The following BEST3 variants were observed in gnomAD, a reference collection of about 807,000 sequenced individuals.
BEST3 encodes bestrophin-3.
In BEST3, 50 loss-of-function variants were observed where a neutral mutation model predicts 47.1. That is an observed-to-expected ratio of 1.06 (90% CI 0.85 to 1.34). The LOEUF is 1.34. BEST3 is among the 40% of genes most tolerant of loss of function. BEST3 has a pLI of 0.00. For synonymous variants in BEST3, 282 were observed against 298.8 expected (o/e 0.94, Z 0.58); for missense variants, 765 against 817.0 (o/e 0.94, Z 0.78).
At chr12:69,671,827 C>G (rs1717141432) in intron 8 of BEST3, among the ~76,000 whole-genome samples, 1 of 152,124 alleles carries the variant, frequency 6.6e-6, no homozygotes, top group Non-Finnish European at 1.5e-5. Flanking sequence ...CGGGATCAAA[C>G]CACACACTCT....
At chr12:69,685,471 G>A (rs1345610914) in intron 4 of BEST3, among the ~76,000 whole-genome samples, 1 of 152,170 alleles carries the variant, frequency 6.6e-6, no homozygotes, top group African/African-American at 2.4e-5. Flanking sequence ...CATTACAATG[G>A]TCTGGGGAGT....
chr12:69,675,731 A>G (rs1884874995), intron 7 of BEST3, among the ~76,000 whole-genome samples: 1 of 152,214 alleles, frequency 6.6e-6, no homozygotes. Flanking sequence ...ATCTGATTAA[A>G]AATTCTTTTG....
chr12:69,694,514 C>T, intron 2 of BEST3, 50 bp from the exon 3 acceptor site: 1 of 955,514 alleles, frequency 1.0e-6, no homozygotes. Flanking sequence ...TACTTCTGCA[C>T]CTGCTTTGCA....
At chr12:69,666,649 G>T (rs1332707169) in intron 9 of BEST3, among the ~76,000 whole-genome samples, 1 of 152,054 alleles carries the variant, frequency 6.6e-6, no homozygotes, top group Non-Finnish European at 1.5e-5. Context: ...CCTTGATACT[G>T]TTCTGATTGC....
intron 4 of BEST3, among the ~76,000 whole-genome samples, chr12:69,685,618 C>T (rs977907798): frequency 2.0e-5 from 3 of 152,162 alleles, no homozygotes; most frequent in Non-Finnish European, 2.9e-5. Flanking sequence ...GAACAACTGC[C>T]CTAGTGCTGA....
chr12:69,678,969 T>C, intron 4 of BEST3, 76 bp from the exon 5 acceptor site: 2 of 1,161,244 alleles, frequency 1.7e-6, no homozygotes, highest in Non-Finnish European at 2.4e-6. Flanking sequence ...TCAGCATCTA[T>C]ATAAAAGCAT....
chr12:69,664,428 T>A (rs1884059423), intron 9 of BEST3, among the ~76,000 whole-genome samples: 1 of 152,032 alleles, frequency 6.6e-6, no homozygotes, highest in Non-Finnish European at 1.5e-5. Flanking sequence ...CACTGGGACC[T>A]CCCCCCGCCA....
chr12:69,680,515 A>G (rs1885196271), intron 4 of BEST3, among the ~76,000 whole-genome samples: 1 of 151,500 alleles, frequency 6.6e-6, no homozygotes, highest in African/African-American at 2.4e-5. Context: ...TCACCATGTT[A>G]GCCAGGATGT....
At chr12:69,684,388 C>T in intron 4 of BEST3, 1 of 435,884 alleles carries the variant, frequency 2.3e-6, no homozygotes. Flanking sequence ...AATTTTATTG[C>T]CCTCGAGCCA....
intron 9 of BEST3, among the ~76,000 whole-genome samples, chr12:69,645,767 C>T (rs17106842): frequency 0.12 from 18,328 of 150,478 alleles, 1,245 homozygotes; most frequent in East Asian, 0.24. Context: ...ATATATAAAA[C>T]ACCAGGCACA....
At chr12:69,667,141 T>G (rs1884272586) in intron 9 of BEST3, among the ~76,000 whole-genome samples, 1 of 152,212 alleles carries the variant, frequency 6.6e-6, no homozygotes, top group South Asian at 2.1e-4. Context: ...CTCTCCAGAT[T>G]CATTTCTTGG....
intron 9 of BEST3, chr12:69,661,115 G>GT (rs1883847153): frequency 6.6e-6 from 1 of 152,184 alleles, no homozygotes; most frequent in African/African-American, 2.4e-5. Flanking sequence ...TTGTTGGGGT[G>GT]TGTCTAATAT....
intron 4 of BEST3, among the ~76,000 whole-genome samples, chr12:69,692,344 G>A (rs749829828): frequency 5.9e-5 from 9 of 152,192 alleles, no homozygotes; most frequent in Non-Finnish European, 1.2e-4. Flanking sequence ...ATCCATATGT[G>A]CCAAGAATTA....
At chr12:69,684,311 T>C (rs1222217586) in intron 4 of BEST3, 3 of 400,730 alleles carry the variant, frequency 7.5e-6, no homozygotes. Flanking sequence ...TCAATATAGA[T>C]ACATGTTTGC....
downstream of BEST3, among the ~76,000 whole-genome samples, chr12:69,652,703 G>A (rs1413016006): frequency 6.6e-6 from 1 of 152,134 alleles, no homozygotes; most frequent in African/African-American, 2.4e-5. Flanking sequence ...TTATCACCTT[G>A]GATTTAGGAA....
At chr12:69,690,083 T>C (rs1319170678) in intron 4 of BEST3, among the ~76,000 whole-genome samples, 1 of 152,216 alleles carries the variant, frequency 6.6e-6, no homozygotes, top group African/African-American at 2.4e-5. Context: ...TATTAGGTTC[T>C]ATAATAATTC....
chr12:69,678,771 T>C lies in BEST3; in HGVS notation c.604A>G (p.Arg202Gly). 6.2e-7 allele frequency: 1 copy of C among 1,614,172 alleles called. No individual in the cohort carries two copies. Among genetic ancestry groups the C allele is most frequent in the African/African-American group, 1.3e-5 (1 of 75,056 alleles). ...AATGATTGCAGATCAACACTGTCTC[T>C]GATTCTACCTTCATTCCGGGCTTTA... The part of the protein sequence containing the change: ...ATKARNEGRI[R>G]DSVDLQSLMT... The change falls in exon 5 of 10, where the codon AGA becomes GGA. Residue 202 changes from arginine to glycine, a missense_variant. By Grantham distance (125) the Arg-to-Gly change is moderately radical. Transcript: ENST00000330891.
At chr12:69,646,022 T>C (rs7302527) in intron 9 of BEST3, among the ~76,000 whole-genome samples, 64,024 of 152,086 alleles carry the variant, frequency 0.42, 15,373 homozygotes, top group Middle Eastern at 0.59. Flanking sequence ...CTGCAACCTC[T>C]GCCCCCGAGG....
At chr12:69,673,648 T>C (rs991896809) in intron 7 of BEST3, among the ~76,000 whole-genome samples, 1 of 152,124 alleles carries the variant, frequency 6.6e-6, no homozygotes, top group African/African-American at 2.4e-5. Flanking sequence ...TTCACCATGT[T>C]GGCCAGGCTA....
Sources: allele counts gnomAD v4.1 joint callset (sites outside exome capture counted in the v4.1 genomes callset), GRCh38; gene constraint gnomAD v4.1.1; transcripts MANE v1.5; gene names NCBI Gene and HGNC (gene_info 2026-07-23, HGNC 2026-07-21).